Variants in ARID1A observed in about 807,000 individuals in gnomAD.
ARID1A encodes the protein AT-rich interaction domain 1A.
A neutral mutation model predicts 212.6 loss-of-function variants in ARID1A; 20 were observed. The observed-to-expected ratio is 0.09, with a 90% confidence interval of 0.07 to 0.14. ARID1A has a LOEUF of 0.14. ARID1A is among the 10% of genes least tolerant of loss of function. The pLI is 1.00. For synonymous variants in ARID1A, 1,376 were observed against 1,222.1 expected (o/e 1.13, Z -2.63); for missense variants, 2,587 against 3,059.0 (o/e 0.85, Z 3.64).
Position 26,700,981 on chromosome 1 carries a change from C to T in ARID1A, c.1137+3441C>T, listed in dbSNP as rs191169817. 1.8e-4 allele frequency among the ~76,000 whole-genome samples: 27 copies of T among 152,256 alleles called. 1 individual carries two copies. The highest frequency in any genetic ancestry group is 1.7e-3 in the Admixed American group (26 of 15,292). ...TCTTGTGTATTGGGCCCTGTGAGGA[C>T]TTTTTAGGTTCCTTTCTTTGTGTGT... On this transcript the variant is annotated intron_variant, in intron 1 of 19. Coordinates refer to ENST00000324856, the MANE Select transcript of ARID1A (RefSeq NM_006015.6).
chr1:26,713,104 T>C (rs2080468954), intron 1 of ARID1A, among the ~76,000 whole-genome samples: 2 of 152,260 alleles, frequency 1.3e-5, no homozygotes, highest in African/African-American at 4.8e-5. Context: ...CATATTTGTA[T>C]GTACAGATGA....
intron 2 of ARID1A, 90 bp from the exon 3 acceptor site, chr1:26,731,062 C>G (rs2080671346): frequency 7.4e-7 from 1 of 1,350,490 alleles, no homozygotes; most frequent in African/African-American, 1.4e-5. Flanking sequence ...GCTTTCTATA[C>G]TCATCATCAG....
At chr1:26,719,491 AT>A (rs1476102126) in intron 1 of ARID1A, among the ~76,000 whole-genome samples, 1 of 152,220 alleles carries the variant, frequency 6.6e-6, no homozygotes, top group Non-Finnish European at 1.5e-5. Flanking sequence ...GATTTGCACT[AT>A]AACAGGCATT....
intron 1 of ARID1A, among the ~76,000 whole-genome samples, chr1:26,710,752 T>C (rs1190640096): frequency 6.6e-6 from 1 of 152,234 alleles, no homozygotes; most frequent in Non-Finnish European, 1.5e-5. Context: ...TCAACTGGGC[T>C]GCAGAGTATA....
chr1:26,721,597 T>C (rs1409969359), intron 1 of ARID1A, among the ~76,000 whole-genome samples: 2 of 152,190 alleles, frequency 1.3e-5, no homozygotes, highest in Non-Finnish European at 2.9e-5. Flanking sequence ...TAGGGAGAAA[T>C]TGGTTAAGTT....
At chr1:26,724,058 T>G (rs2080592997) in intron 1 of ARID1A, among the ~76,000 whole-genome samples, 1 of 152,176 alleles carries the variant, frequency 6.6e-6, no homozygotes. Flanking sequence ...GGGGTTCTTT[T>G]GGTTAAAGAG....
intron 4 of ARID1A, among the ~76,000 whole-genome samples, chr1:26,737,743 T>C (rs2080747755): frequency 6.6e-6 from 1 of 151,762 alleles, no homozygotes; most frequent in African/African-American, 2.4e-5. Flanking sequence ...CACACGCCTG[T>C]AATCCCAGCT....
intron 19 of ARID1A, among the ~76,000 whole-genome samples, chr1:26,776,393 C>A (rs2081136362): frequency 6.6e-6 from 1 of 151,916 alleles, no homozygotes; most frequent in Non-Finnish European, 1.5e-5. Flanking sequence ...CCTGCCTCAG[C>A]CTCCCAAGTA....
intron 7 of ARID1A, 25 bp downstream of exon 7, chr1:26,762,344 T>G (rs754940215): frequency 5.6e-6 from 9 of 1,601,580 alleles, no homozygotes; most frequent in Non-Finnish European, 7.7e-6. Flanking sequence ...CAGTTAGGAG[T>G]AGATACGGGT....
At chr1:26,721,844 C>A (rs561735234) in intron 1 of ARID1A, among the ~76,000 whole-genome samples, 1 of 152,270 alleles carries the variant, frequency 6.6e-6, no homozygotes, top group African/African-American at 2.4e-5. Flanking sequence ...TTCTGGCATG[C>A]CTCTTTTTGG....
chr1:26,710,349 G>A lies in ARID1A; in HGVS notation c.1137+12809G>A, dbSNP rs537113207. Among the ~76,000 whole-genome samples the A allele has an allele frequency of 2.6e-3, 352 of 134,388 alleles. 1 individual carries two copies. Among genetic ancestry groups the A allele is most frequent in the Non-Finnish European group, 4.9e-3 (284 of 57,570 alleles). 88.2% of individuals were successfully genotyped at this position (134,388 alleles called of 152,430 possible). On this transcript the variant is annotated intron_variant, in intron 1 of 19. Transcript: ENST00000324856. ...CTTGGGAGGTTGAGGCAGGAGAATC[G>A]CTTGAACCTGGGAGGCAGAGGTTGC...
chr1:26,719,742 A>G (rs2080542003), intron 1 of ARID1A, among the ~76,000 whole-genome samples: 1 of 150,290 alleles, frequency 6.7e-6, no homozygotes, highest in African/African-American at 2.5e-5. Flanking sequence ...GGAGTTGGAG[A>G]CCAGCCTGAC....
chr1:26,701,378 T>G (rs1167507087), intron 1 of ARID1A, among the ~76,000 whole-genome samples: 2 of 152,082 alleles, frequency 1.3e-5, no homozygotes, highest in African/African-American at 4.8e-5. Flanking sequence ...TATCTCTGGG[T>G]TTTTCCTTGT....
In ARID1A at chr1:26,779,077, A is replaced by G; in HGVS notation, c.5179A>G (p.Ile1727Val). 1 of 1,514,032 alleles carries G rather than the reference A, an allele frequency of 6.6e-7. No homozygotes were observed. Among genetic ancestry groups the G allele is most frequent in the Non-Finnish European group, 8.8e-7 (1 of 1,130,990 alleles). The allele number at this position is 1,514,032 out of a possible 1,614,324, so 93.8% of individuals were successfully genotyped here. A position where few individuals can be genotyped will look rare whatever the true frequency, so the allele number is the denominator to read the frequency against. Residue 1727 changes from isoleucine (I) to valine (V), a missense_variant, in exon 20 of 20, where the codon ATC (isoleucine) becomes GTC (valine). Coordinates refer to ENST00000324856, the MANE Select transcript of ARID1A (RefSeq NM_006015.6). Reference sequence around the variant, plus strand: ...ATATTTCCGACGATGCCTGATTGAGATCTTTGGCATTTTAAAGGAGTATGA... The same window carrying G: ...ATATTTCCGACGATGCCTGATTGAGGTCTTTGGCATTTTAAAGGAGTATGA... ...VEYFRRCLIE[I>V]FGILKEYEVG...
chr1:26,732,203 T>TG (rs2080685056), intron 3 of ARID1A, among the ~76,000 whole-genome samples: 1 of 152,214 alleles, frequency 6.6e-6, no homozygotes, highest in African/African-American at 2.4e-5. Flanking sequence ...AAATAGCATT[T>TG]GGGGCTTTAT....
At chr1:26,736,902 C>CAAA (rs35005598) in intron 4 of ARID1A, among the ~76,000 whole-genome samples, 3 of 49,842 alleles carry the variant, frequency 6.0e-5, no homozygotes, top group Admixed American at 2.0e-4. Flanking sequence ...AATTCTGTCT[C>CAAA]AAAAAAAAAA....
chr1:26,778,568 C>T (rs34951175), intron 19 of ARID1A: 8,731 of 153,718 alleles, frequency 0.057, 323 homozygotes, highest in Non-Finnish European at 0.08. Flanking sequence ...AGAAGAGAGC[C>T]ATGAACATCT....
chr1:26,740,250 C>T (rs943649368), intron 4 of ARID1A, among the ~76,000 whole-genome samples: 9 of 152,136 alleles, frequency 5.9e-5, no homozygotes, highest in African/African-American at 2.2e-4. Flanking sequence ...CATTTGAACT[C>T]TTGGGTCCAT....
chr1:26,739,689 G>A (rs1296312422), intron 4 of ARID1A, among the ~76,000 whole-genome samples: 2 of 152,136 alleles, frequency 1.3e-5, no homozygotes, highest in Admixed American at 6.5e-5. Flanking sequence ...TTATTCCTGG[G>A]TAACGGAGCC....
Sources: gnomAD v4.1 joint callset for allele counts (sites outside exome capture counted in the v4.1 genomes callset) on GRCh38, gnomAD v4.1.1 for gene constraint, MANE v1.5 for transcripts, NCBI Gene and HGNC (gene_info 2026-07-23, HGNC 2026-07-21) for gene names.